The following DOCK2 variants were observed in gnomAD, a reference collection of about 807,000 sequenced individuals.
DOCK2 encodes the protein dedicator of cytokinesis 2.
Under a neutral mutation model 248.9 loss-of-function variants are expected in DOCK2, and 87 were observed. The ratio of observed to expected loss-of-function variants is 0.35; its 90% CI spans 0.29 to 0.42. The LOEUF (loss-of-function observed/expected upper bound fraction) is 0.42, where lower values mean the gene tolerates loss of function less well. Ranked by LOEUF, DOCK2 falls within the 10% of genes least tolerant of loss-of-function variation. The pLI, the probability that DOCK2 is intolerant of heterozygous loss-of-function variation, is 1.00. For missense variants in DOCK2, 1,747 were observed against 2,300.2 expected, an observed-to-expected ratio of 0.76 and a Z score of 4.92; for synonymous variants, 805 against 821.6, an observed-to-expected ratio of 0.98 and a Z score of 0.35.
chr5:169,662,634 G>A (rs1758506409), intron 2 of DOCK2, among the ~76,000 whole-genome samples: 1 of 152,220 alleles, frequency 6.6e-6, no homozygotes, highest in South Asian at 2.1e-4. Context: ...AGCAAGGCAT[G>A]TTTTACATGG....
chr5:169,736,432 T>C (rs1257818331), intron 22 of DOCK2, among the ~76,000 whole-genome samples: 1 of 152,174 alleles, frequency 6.6e-6, no homozygotes, highest in Non-Finnish European at 1.5e-5. Context: ...TTCTAGTGCC[T>C]CTCCATTGCA....
At chr5:169,855,167 AT>A (rs896442246) in intron 27 of DOCK2, among the ~76,000 whole-genome samples, 125 of 152,294 alleles carry the variant, frequency 8.2e-4, no homozygotes, top group Non-Finnish European at 1.4e-3. Context: ...CCTTGTGGTA[AT>A]TTTTTTGAAG....
rs141057394 is a variant in DOCK2 at position 170,020,655 on chromosome 5, C to T, written c.3381+1547C>T. On this transcript the variant is annotated intron_variant, in intron 33 of 51. Transcript: ENST00000520908. ...GACGTCATCTGCTGAAAGTCACAATCAAGAAAGTAGCAGAACAAAGGCTGC... is the reference window on the plus strand; with the variant it reads ...GACGTCATCTGCTGAAAGTCACAATTAAGAAAGTAGCAGAACAAAGGCTGC... Among the ~76,000 whole-genome samples the T allele has an allele frequency of 8.5e-5, 13 of 152,326 alleles. No homozygotes were observed. The East Asian group carries it at 2.1e-3, about 25-fold the overall frequency.
At chr5:169,733,294 A>G (rs541574168) in intron 22 of DOCK2, among the ~76,000 whole-genome samples, 1 of 152,028 alleles carries the variant, frequency 6.6e-6, no homozygotes, top group East Asian at 1.9e-4. Flanking sequence ...CTAAAGTTAC[A>G]TTTTTAACAT....
At position 170,006,736 on chromosome 5, in the gene DOCK2, T is replaced by C. The variant is rs534031870; in HGVS notation, c.3073-1761T>C. On this transcript the variant is annotated intron_variant, in intron 30 of 51. Coordinates refer to ENST00000520908, the MANE Select transcript of DOCK2 (RefSeq NM_004946.3). ...GTGAGGCCAGGGATCGCTGTCTGTG[T>C]AACCACTGCTCTGTCACCACACTGT... Among the ~76,000 whole-genome samples the C allele has an allele frequency of 2.7e-4, 41 of 152,334 alleles. 1 individual carries two copies. Among genetic ancestry groups the C allele is most frequent in the African/African-American group, 9.6e-4 (40 of 41,576 alleles).
At chr5:169,956,787 A>T (rs879319038) in intron 27 of DOCK2, among the ~76,000 whole-genome samples, 1 of 152,166 alleles carries the variant, frequency 6.6e-6, no homozygotes, top group Non-Finnish European at 1.5e-5. Context: ...GTTCAAATGT[A>T]ATCTTTCTCA....
chr5:169,965,573 C>G (rs1360187289), intron 27 of DOCK2, among the ~76,000 whole-genome samples: 1 of 152,206 alleles, frequency 6.6e-6, no homozygotes, highest in East Asian at 1.9e-4. Context: ...ATATTAAGAT[C>G]ACCCAGGGAG....
At chr5:169,793,909 A>G (rs2113080873) in intron 25 of DOCK2, among the ~76,000 whole-genome samples, 1 of 152,184 alleles carries the variant, frequency 6.6e-6, no homozygotes, top group Admixed American at 6.5e-5. Context: ...CTCCCCGTTC[A>G]GGTCTCAGCT....
intron 1 of DOCK2, among the ~76,000 whole-genome samples, chr5:169,652,017 TAAGTC>T (rs1344417161): frequency 2.0e-5 from 3 of 152,176 alleles, no homozygotes; most frequent in Admixed American, 6.5e-5. Flanking sequence ...AGCTGGACAT[TAAGTC>T]AAGTCGTGTA....
At chr5:170,028,045 C>T (rs1415726927) in intron 34 of DOCK2, 97 bp downstream of exon 34, 20 of 1,064,250 alleles carry the variant, frequency 1.9e-5, no homozygotes, top group Non-Finnish European at 2.4e-5. Flanking sequence ...TCTGTCCTCC[C>T]CTGGAGATGG....
At chr5:169,993,751 A>G (rs1307121638) in intron 29 of DOCK2, among the ~76,000 whole-genome samples, 1 of 152,118 alleles carries the variant, frequency 6.6e-6, no homozygotes, top group East Asian at 1.9e-4. Flanking sequence ...AGGCTTTCCT[A>G]CTTCTTTCTT....
At chr5:170,034,353 C>T (rs1366704825) in intron 34 of DOCK2, 46 bp from the exon 35 acceptor site, 2 of 1,608,686 alleles carry the variant, frequency 1.2e-6, no homozygotes. Flanking sequence ...CCAGCACAGT[C>T]TTTCTCCCCA....
intron 27 of DOCK2, among the ~76,000 whole-genome samples, chr5:169,859,198 C>T (rs1326819437): frequency 6.6e-6 from 1 of 152,064 alleles, no homozygotes; most frequent in Non-Finnish European, 1.5e-5. Flanking sequence ...CTGTGTGTTG[C>T]CAACGGATGC....
intron 27 of DOCK2, among the ~76,000 whole-genome samples, chr5:169,843,026 C>T (rs1235600575): frequency 6.6e-6 from 1 of 152,176 alleles, no homozygotes; most frequent in Non-Finnish European, 1.5e-5. Context: ...CAATCATTTT[C>T]AGCTTCTGTG....
intron 27 of DOCK2, among the ~76,000 whole-genome samples, chr5:169,959,883 C>G (rs923595549): frequency 1.3e-5 from 2 of 152,172 alleles, no homozygotes; most frequent in Non-Finnish European, 2.9e-5. Flanking sequence ...AAAGAGGAAA[C>G]AGAAGCACTT....
intron 27 of DOCK2, among the ~76,000 whole-genome samples, chr5:169,943,655 G>C (rs1366874065): frequency 6.6e-6 from 1 of 152,184 alleles, no homozygotes; most frequent in Admixed American, 6.5e-5. Context: ...AGAGTTTGCA[G>C]ATCTGGGGGC....
At chr5:170,073,134 T>A (rs550588125) in intron 46 of DOCK2, among the ~76,000 whole-genome samples, 1 of 152,268 alleles carries the variant, frequency 6.6e-6, no homozygotes, top group Non-Finnish European at 1.5e-5. Context: ...TTTATTGTTT[T>A]GTCTTATACA....
chr5:169,743,166 G>C (rs578147208), intron 22 of DOCK2, among the ~76,000 whole-genome samples: 63 of 152,210 alleles, frequency 4.1e-4, no homozygotes, highest in Non-Finnish European at 8.2e-4. Context: ...CTTTTCAAGG[G>C]GGGGTCCCAC....
At position 170,055,280 on chromosome 5, in the gene DOCK2, A is replaced by G. The variant is rs777499039; in HGVS notation, c.4214-25A>G. The G allele has an allele frequency of 3.1e-6, 5 of 1,611,088 alleles. No homozygotes were observed. In the South Asian group the frequency reaches 5.5e-5, roughly 18 times the overall value. On this transcript the variant is annotated intron_variant, in intron 41 of 51. Transcript: ENST00000520908. ...AACTGTCCCCGCAGCCAACAGATAT[A>G]AGTCCTTAACTACAGGGATTCCAGA... is the stretch of plus-strand genomic sequence containing the variant.
Sources: allele counts gnomAD v4.1 joint callset (sites outside exome capture counted in the v4.1 genomes callset), GRCh38; gene constraint gnomAD v4.1.1; transcripts MANE v1.5; gene names NCBI Gene and HGNC (gene_info 2026-07-23, HGNC 2026-07-21).